DNAAF10: variants seen among roughly 807,000 people sequenced by gnomAD.
DNAAF10 encodes WD repeat domain 92.
In DNAAF10, 28 loss-of-function variants were observed where a neutral mutation model predicts 43.7. The ratio of observed to expected loss-of-function variants is 0.64; its 90% CI spans 0.48 to 0.88. The LOEUF is 0.88. Ranked by LOEUF, DNAAF10 falls within the 40% of genes least tolerant of loss-of-function variation. DNAAF10 has a pLI of 0.00. For synonymous variants in DNAAF10, 156 were observed against 157.3 expected (o/e 0.99, Z 0.06); for missense variants, 403 against 439.1 (o/e 0.92, Z 0.73).
chr2:68,147,605 G>A, intron 1 of DNAAF10, 38 bp from the exon 2 acceptor site: 1 of 1,458,984 alleles, frequency 6.9e-7, no homozygotes, highest in Non-Finnish European at 9.4e-7. Flanking sequence ...TATTATTTAT[G>A]TAAGCAGATA....
intron 7 of DNAAF10, among the ~76,000 whole-genome samples, chr2:68,133,737 G>C (rs1672972429): frequency 6.6e-6 from 1 of 152,126 alleles, no homozygotes; most frequent in African/African-American, 2.4e-5. Flanking sequence ...GGGTGACAGA[G>C]CAAGACTTTG....
intron 2 of DNAAF10, among the ~76,000 whole-genome samples, chr2:68,146,170 G>A (rs1244456795): frequency 1.3e-5 from 2 of 152,144 alleles, no homozygotes; most frequent in Admixed American, 6.5e-5. Context: ...GCTGAGGCAG[G>A]AGAATCACTT....
At position 68,143,924 on chromosome 2, in the gene DNAAF10, T is replaced by C. The variant is rs189704280; in HGVS notation, c.415+661A>G. 1.0e-3 allele frequency among the ~76,000 whole-genome samples: 156 copies of C among 152,308 alleles called. 1 individual carries two copies. Among genetic ancestry groups the C allele is most frequent in the Non-Finnish European group, 2.0e-3 (133 of 68,032 alleles). On this transcript the variant is annotated intron_variant, in intron 3 of 7. Transcript: ENST00000295121. ...TGAGTACCCACTAGAAAATTATATC[T>C]CACTTTTCCTTTAAAGCAATTTCCT...
intron 6 of DNAAF10, among the ~76,000 whole-genome samples, chr2:68,136,105 C>T (rs1169856093): frequency 6.6e-6 from 1 of 150,760 alleles, no homozygotes; most frequent in African/African-American, 2.4e-5. Flanking sequence ...GTACTCCCAG[C>T]TACTTGGGAG....
At chr2:68,137,069 C>G (rs530103726) in intron 6 of DNAAF10, among the ~76,000 whole-genome samples, 2 of 152,148 alleles carry the variant, frequency 1.3e-5, no homozygotes, top group Non-Finnish European at 2.9e-5. Context: ...TCCTAAACTA[C>G]AAAATAAGAT....
At chr2:68,131,863 T>G (rs1195928302) in intron 7 of DNAAF10, 1 of 189,782 alleles carries the variant, frequency 5.3e-6, no homozygotes, top group East Asian at 1.3e-4. Context: ...GTAAGTAACA[T>G]TTGCAGAACT....
chr2:68,145,751 G>T (rs937874403), intron 2 of DNAAF10, among the ~76,000 whole-genome samples: 4 of 152,060 alleles, frequency 2.6e-5, no homozygotes, highest in African/African-American at 9.7e-5. Context: ...TGCACTACTG[G>T]GCAATGAATG....
At chr2:68,145,798 C>A (rs955836979) in intron 2 of DNAAF10, among the ~76,000 whole-genome samples, 1 of 152,182 alleles carries the variant, frequency 6.6e-6, no homozygotes, top group Non-Finnish European at 1.5e-5. Flanking sequence ...CCTTTTCTTA[C>A]CCGTCTCCAT....
intron 1 of DNAAF10, among the ~76,000 whole-genome samples, chr2:68,155,195 G>T (rs563862650): frequency 2.0e-5 from 3 of 151,202 alleles, no homozygotes; most frequent in Non-Finnish European, 4.4e-5. Context: ...ATTTTTCTTC[G>T]AAAAAGGAAT....
intron 1 of DNAAF10, 78 bp from the exon 2 acceptor site, chr2:68,147,645 C>T: frequency 9.8e-7 from 1 of 1,015,286 alleles, no homozygotes; most frequent in Non-Finnish European, 1.4e-6. Flanking sequence ...ATATTTATGG[C>T]TCTATTATGG....
rs560068170 is a variant in DNAAF10 at position 68,134,532 on chromosome 2, T to C, written c.866+170A>G. ...AGTGTACACTCTACTAAGTGTAAAG[T>C]ATATTCATACAAAATGCTTAGAAAA... On this transcript the variant is annotated intron_variant, in intron 7 of 7. Coordinates refer to ENST00000295121, the MANE Select transcript of DNAAF10 (RefSeq NM_138458.4). 350 of 1,471,700 alleles carry C rather than the reference T, an allele frequency of 2.4e-4. 1 individual carries two copies. In the South Asian group the frequency reaches 3.2e-3, roughly 13 times the overall value. 91.2% of individuals were successfully genotyped at this position (1,471,700 alleles called of 1,614,324 possible).
chr2:68,137,305 T>G lies in DNAAF10; in HGVS notation c.762A>C (p.Ser254=). Residue 254 remains serine, a synonymous_variant, in exon 6 of 8, where the codon TCA becomes TCC. Transcript: ENST00000295121. ...QHPTKGFASV[S]EKAHKSTVWQ... is the part of the protein sequence containing the mutation. The stretch of plus-strand genomic sequence containing the variant: ...ACATTTCCCTCATATTTACCTTTTC[T>G]GAAACAGAGGCAAAACCTTTGGTTG... 6.2e-7 allele frequency: 1 copy of G among 1,610,224 alleles called. No homozygotes were observed. The highest frequency in any genetic ancestry group is 8.5e-7 in the Non-Finnish European group (1 of 1,178,458).
intron 3 of DNAAF10, 62 bp from the exon 4 acceptor site, chr2:68,141,857 C>A: frequency 7.3e-7 from 1 of 1,365,920 alleles, no homozygotes; most frequent in Non-Finnish European, 1.0e-6. Context: ...TTCTTTTCTA[C>A]ATTCTTCTTC....
At chr2:68,151,846 C>G (rs1673466859) in intron 1 of DNAAF10, among the ~76,000 whole-genome samples, 1 of 152,174 alleles carries the variant, frequency 6.6e-6, no homozygotes, top group Non-Finnish European at 1.5e-5. Context: ...CTAGACCATC[C>G]CTTTTCTAAT....
At chr2:68,135,869 CAG>C (rs1478535124) in intron 6 of DNAAF10, among the ~76,000 whole-genome samples, 1 of 152,026 alleles carries the variant, frequency 6.6e-6, no homozygotes, top group East Asian at 1.9e-4. Context: ...TAAAATACAC[CAG>C]AGTCTTCTAT....
intron 2 of DNAAF10, among the ~76,000 whole-genome samples, chr2:68,146,613 T>C (rs900882516): frequency 2.6e-5 from 4 of 152,210 alleles, no homozygotes; most frequent in Non-Finnish European, 5.9e-5. Context: ...ATCTAAGAAC[T>C]AATGAATACA....
chr2:68,143,473 T>C (rs1015081922), intron 3 of DNAAF10, among the ~76,000 whole-genome samples: 3 of 152,176 alleles, frequency 2.0e-5, no homozygotes, highest in African/African-American at 7.2e-5. Flanking sequence ...TGACTGTACC[T>C]GGCCCAATAA....
intron 1 of DNAAF10, among the ~76,000 whole-genome samples, chr2:68,149,586 A>G (rs1673406019): frequency 1.3e-5 from 2 of 152,250 alleles, no homozygotes; most frequent in Non-Finnish European, 2.9e-5. Context: ...AATTTTGTCA[A>G]CAAAGCACAT....
chr2:68,150,674 A>C (rs1358975383), intron 1 of DNAAF10, among the ~76,000 whole-genome samples: 5 of 152,210 alleles, frequency 3.3e-5, no homozygotes, highest in African/African-American at 1.2e-4. Flanking sequence ...CGGAGGCTGC[A>C]GTGAGCCAAG....
Sources: gnomAD v4.1 joint callset for allele counts (sites outside exome capture counted in the v4.1 genomes callset) on GRCh38, gnomAD v4.1.1 for gene constraint, MANE v1.5 for transcripts, NCBI Gene and HGNC (gene_info 2026-07-23, HGNC 2026-07-21) for gene names.